Variants in STAU2 observed in about 807,000 individuals in gnomAD.
The protein encoded by STAU2 is staufen double-stranded RNA binding protein 2.
STAU2 carries 20 observed loss-of-function variants against 65.9 expected under a neutral mutation model. The ratio of observed to expected loss-of-function variants is 0.30; its 90% CI spans 0.21 to 0.44. The LOEUF (loss-of-function observed/expected upper bound fraction) is 0.44, where lower values mean the gene tolerates loss of function less well. STAU2 is among the 20% of genes least tolerant of loss of function. The pLI is 1.00. For synonymous variants in STAU2, 232 were observed against 233.9 expected (o/e 0.99, Z 0.07); for missense variants, 558 against 683.9 (o/e 0.82, Z 2.05).
chr8:73,648,702 T>C (rs926125543), intron 6 of STAU2, among the ~76,000 whole-genome samples: 2 of 152,236 alleles, frequency 1.3e-5, no homozygotes, highest in African/African-American at 2.4e-5. Flanking sequence ...ACTTCTGCCA[T>C]TAAAATTACC....
chr8:73,647,776 C>T (rs1436653540), intron 6 of STAU2, among the ~76,000 whole-genome samples: 1 of 152,042 alleles, frequency 6.6e-6, no homozygotes, highest in African/African-American at 2.4e-5. Context: ...GATAGGATCT[C>T]ACTATGTTGC....
intron 13 of STAU2, among the ~76,000 whole-genome samples, chr8:73,524,987 G>A (rs1172605065): frequency 1.3e-5 from 2 of 152,084 alleles, no homozygotes; most frequent in Admixed American, 1.3e-4. Flanking sequence ...GTGTGAAGTG[G>A]GGATTTACTT....
chr8:73,493,547 T>C (rs571496655), intron 13 of STAU2, among the ~76,000 whole-genome samples: 5 of 151,910 alleles, frequency 3.3e-5, no homozygotes, highest in Non-Finnish European at 7.4e-5. Context: ...TTATTAGTCA[T>C]TAGGGAGTAA....
intron 6 of STAU2, among the ~76,000 whole-genome samples, chr8:73,622,963 T>C (rs1481185350): frequency 6.6e-6 from 1 of 152,216 alleles, no homozygotes; most frequent in Non-Finnish European, 1.5e-5. Flanking sequence ...ATAAATAAAA[T>C]TGTAAATAAA....
intron 3 of STAU2, among the ~76,000 whole-genome samples, chr8:73,734,725 C>G (rs1348842126): frequency 6.6e-6 from 1 of 151,626 alleles, no homozygotes; most frequent in Non-Finnish European, 1.5e-5. Context: ...ATTCGGAAGG[C>G]GGAGGATGCA....
chr8:73,552,364 G>T, intron 12 of STAU2, 45 bp from the exon 13 acceptor site: 3 of 1,510,752 alleles, frequency 2.0e-6, no homozygotes, highest in Non-Finnish European at 2.7e-6. Context: ...TAAAATAACC[G>T]AAATAGAAAC....
intron 13 of STAU2, chr8:73,549,522 T>G (rs1215715175): frequency 1.2e-5 from 7 of 561,390 alleles, no homozygotes; most frequent in Non-Finnish European, 1.6e-5. Context: ...CTACATTCAG[T>G]TGATCAAAGT....
intron 13 of STAU2, among the ~76,000 whole-genome samples, chr8:73,462,417 A>G (rs936771966): frequency 6.0e-5 from 9 of 149,402 alleles, no homozygotes; most frequent in Non-Finnish European, 1.3e-4. Flanking sequence ...TATTTTTTTG[A>G]CAGGGTCTCG....
chr8:73,640,109 T>A (rs1184990055), intron 6 of STAU2, among the ~76,000 whole-genome samples: 1 of 152,094 alleles, frequency 6.6e-6, no homozygotes, highest in Non-Finnish European at 1.5e-5. Flanking sequence ...GTGTTCCCCA[T>A]CAATCAACTG....
chr8:73,575,203 C>T (rs145185660), intron 12 of STAU2, among the ~76,000 whole-genome samples: 2 of 150,540 alleles, frequency 1.3e-5, no homozygotes, highest in East Asian at 3.9e-4. Flanking sequence ...TTATGTCATT[C>T]ACAGAAAAAG....
At chr8:73,722,562 C>G (rs1330635860) in intron 3 of STAU2, among the ~76,000 whole-genome samples, 1 of 152,176 alleles carries the variant, frequency 6.6e-6, no homozygotes, top group Non-Finnish European at 1.5e-5. Context: ...TCTTTCAGTA[C>G]TTTAAAGATG....
In STAU2 at chr8:73,457,115, T is replaced by C. The variant is rs907965936; in HGVS notation, c.1531-34413A>G. Among the ~76,000 whole-genome samples the C allele has an allele frequency of 2.6e-5, 4 of 152,350 alleles. No individual in the cohort carries two copies. The South Asian group carries it at 6.2e-4, about 24-fold the overall frequency. On this transcript the variant is annotated intron_variant, in intron 13 of 14. Coordinates refer to ENST00000524300, the MANE Select transcript of STAU2 (RefSeq NM_001164380.2). ...ATCCTCTCTGGCCTTTTCTAGCTCA[T>C]CAAGGGCACTGAAAGGGATAGAAAC...
Position 73,608,993 on chromosome 8 carries a change from A to G in STAU2, c.891+4751T>C, listed in dbSNP as rs116669529. 6.7e-3 allele frequency among the ~76,000 whole-genome samples: 1,025 copies of G among 152,254 alleles called. 20 individuals carry two copies. Among genetic ancestry groups the G allele is most frequent in the African/African-American group, 0.024 (976 of 41,526 alleles). On this transcript the variant is annotated intron_variant, in intron 9 of 14. Transcript: ENST00000524300. ...AACTCCATCTTCAAAAAAAAAGAGA[A>G]GTTAAAAATGACCCCCAGCAGTTTC...
intron 6 of STAU2, among the ~76,000 whole-genome samples, chr8:73,636,422 G>A (rs1029497645): frequency 1.3e-5 from 2 of 151,784 alleles, no homozygotes; most frequent in African/African-American, 2.4e-5. Context: ...GAACATAATA[G>A]AATCTAGGTT....
chr8:73,448,233 G>T (rs1276549444), intron 13 of STAU2, among the ~76,000 whole-genome samples: 1 of 152,166 alleles, frequency 6.6e-6, no homozygotes, highest in East Asian at 1.9e-4. Context: ...GGAATTCATG[G>T]GTCAGGGACC....
chr8:73,658,240 C>T (rs988749713), intron 6 of STAU2, among the ~76,000 whole-genome samples: 6 of 151,966 alleles, frequency 3.9e-5, no homozygotes, highest in East Asian at 3.9e-4. Flanking sequence ...TGGTGGCCCA[C>T]GCCTGTAGTC....
At chr8:73,576,639 T>G (rs1474581372) in intron 12 of STAU2, among the ~76,000 whole-genome samples, 1 of 152,206 alleles carries the variant, frequency 6.6e-6, no homozygotes, top group African/African-American at 2.4e-5. Flanking sequence ...TTCATTATCT[T>G]GCTTCATAAG....
intron 13 of STAU2, among the ~76,000 whole-genome samples, chr8:73,461,712 G>A (rs904947896): frequency 2.0e-5 from 3 of 152,048 alleles, no homozygotes; most frequent in African/African-American, 7.2e-5. Flanking sequence ...AGAGAATGAG[G>A]TGGGGAGAAG....
chr8:73,673,512 T>C (rs1817834803), intron 5 of STAU2, among the ~76,000 whole-genome samples: 2 of 152,144 alleles, frequency 1.3e-5, no homozygotes, highest in African/African-American at 4.8e-5. Flanking sequence ...AAACAGATGA[T>C]TCTTAGATTG....
Sources: gnomAD v4.1 joint callset for allele counts (sites outside exome capture counted in the v4.1 genomes callset) on GRCh38, gnomAD v4.1.1 for gene constraint, MANE v1.5 for transcripts, NCBI Gene and HGNC (gene_info 2026-07-23, HGNC 2026-07-21) for gene names.